Variants in SKAP2 observed in about 807,000 individuals in gnomAD.
The protein encoded by SKAP2 is src kinase associated phosphoprotein 2, also known as src kinase-associated phosphoprotein 2.
A neutral mutation model predicts 54.9 loss-of-function variants in SKAP2; 28 were observed. That is an observed-to-expected ratio of 0.51 (90% CI 0.38 to 0.70). SKAP2 has a LOEUF of 0.70. SKAP2 is among the 30% of genes least tolerant of loss of function. SKAP2 has a pLI of 0.00. For missense variants in SKAP2, 356 were observed against 424.1 expected, an observed-to-expected ratio of 0.84 and a Z score of 1.41; for synonymous variants, 137 against 134.3, an observed-to-expected ratio of 1.02 and a Z score of -0.14.
chr7:26,674,033 C>T (rs776847878), intron 11 of SKAP2, among the ~76,000 whole-genome samples: 3 of 151,906 alleles, frequency 2.0e-5, no homozygotes, highest in Non-Finnish European at 2.9e-5. Flanking sequence ...CCGCTTTCTG[C>T]GAATGATATG....
the SKAP2 span, among the ~76,000 whole-genome samples, chr7:26,659,033 C>T: frequency 2.0e-5 from 3 of 152,048 alleles, no homozygotes; most frequent in Non-Finnish European, 2.9e-5. Context: ...ATAAGAAATA[C>T]GTGTGTTGGT....
chr7:26,800,117 C>CT (rs1212449415), intron 4 of SKAP2, among the ~76,000 whole-genome samples: 2 of 152,014 alleles, frequency 1.3e-5, no homozygotes, highest in Non-Finnish European at 2.9e-5. Context: ...GAGCGAAACT[C>CT]TGTCTCAAAA....
chr7:26,708,007 A>C (rs913106731), intron 9 of SKAP2, among the ~76,000 whole-genome samples: 1 of 152,214 alleles, frequency 6.6e-6, no homozygotes, highest in Non-Finnish European at 1.5e-5. Flanking sequence ...TCATAGAGGT[A>C]AGGAGAAAAC....
intron 4 of SKAP2, among the ~76,000 whole-genome samples, chr7:26,778,850 TTGATA>T (rs1330911476): frequency 1.3e-5 from 2 of 151,840 alleles, no homozygotes; most frequent in African/African-American, 4.8e-5. Context: ...TCTCCAATAT[TTGATA>T]TAACTTTTGA....
chr7:26,839,574 C>T (rs1002888068), intron 4 of SKAP2, among the ~76,000 whole-genome samples: 7 of 151,910 alleles, frequency 4.6e-5, no homozygotes, highest in Admixed American at 4.6e-4. Flanking sequence ...GTTAAAAACA[C>T]CCTAAATGCT....
chr7:26,713,496 G>A (rs1787354424), intron 9 of SKAP2, among the ~76,000 whole-genome samples: 1 of 152,024 alleles, frequency 6.6e-6, no homozygotes, highest in Non-Finnish European at 1.5e-5. Flanking sequence ...AAAAGCTTCA[G>A]TATTAGGAAA....
chr7:26,754,088 G>A (rs2127967707), intron 4 of SKAP2, among the ~76,000 whole-genome samples: 1 of 152,206 alleles, frequency 6.6e-6, no homozygotes, highest in East Asian at 1.9e-4. Context: ...AGTAAGCCGG[G>A]CACGGTGGCT....
At chr7:26,844,174 A>C (rs113320196) in intron 3 of SKAP2, 37 bp from the exon 4 acceptor site, 1 of 1,236,468 alleles carries the variant, frequency 8.1e-7, no homozygotes, top group Non-Finnish European at 1.2e-6. Context: ...ACTGCCTTTT[A>C]TACTTTAGCC....
At chr7:26,706,247 T>G (rs1363921895) in intron 9 of SKAP2, among the ~76,000 whole-genome samples, 2 of 152,138 alleles carry the variant, frequency 1.3e-5, no homozygotes, top group East Asian at 3.8e-4. Flanking sequence ...ATTGCCAATA[T>G]TTTCCTAATT....
At chr7:26,838,904 T>A (rs1784765535) in intron 4 of SKAP2, among the ~76,000 whole-genome samples, 1 of 152,182 alleles carries the variant, frequency 6.6e-6, no homozygotes, top group South Asian at 2.1e-4. Context: ...CTAGATTACA[T>A]TTTTCTTAAA....
At chr7:26,722,597 C>T (rs868081134) in intron 9 of SKAP2, among the ~76,000 whole-genome samples, 5 of 151,508 alleles carry the variant, frequency 3.3e-5, no homozygotes, top group East Asian at 1.9e-4. Context: ...TTAGTAGAGA[C>T]GGGGTTTCAC....
At chr7:26,826,836 T>C (rs1056605006) in intron 4 of SKAP2, among the ~76,000 whole-genome samples, 9 of 152,206 alleles carry the variant, frequency 5.9e-5, no homozygotes, top group Non-Finnish European at 1.0e-4. Context: ...AAGTAAAATC[T>C]ATTGAAATAA....
At chr7:26,753,935 C>T (rs1782735874) in intron 4 of SKAP2, among the ~76,000 whole-genome samples, 1 of 152,120 alleles carries the variant, frequency 6.6e-6, no homozygotes, top group Admixed American at 6.5e-5. Context: ...TATCTACTTT[C>T]ACAATTACTA....
intron 4 of SKAP2, among the ~76,000 whole-genome samples, chr7:26,813,382 T>C (rs1022335046): frequency 3.9e-5 from 6 of 152,182 alleles, no homozygotes; most frequent in African/African-American, 1.4e-4. Context: ...AAATGGCGTA[T>C]GTAGCTGAAA....
intron 4 of SKAP2, among the ~76,000 whole-genome samples, chr7:26,822,222 C>T (rs1352300921): frequency 1.3e-5 from 2 of 152,170 alleles, no homozygotes; most frequent in Non-Finnish European, 2.9e-5. Context: ...TTTACAGATA[C>T]TGCATTTTTT....
At chr7:26,695,816 TC>T (rs1786882565) in intron 9 of SKAP2, among the ~76,000 whole-genome samples, 1 of 152,108 alleles carries the variant, frequency 6.6e-6, no homozygotes, top group African/African-American at 2.4e-5. Context: ...TTTAACACAC[TC>T]CTCTGTTCCT....
chr7:26,745,261 T>C (rs10486474), intron 4 of SKAP2, among the ~76,000 whole-genome samples: 12,924 of 152,294 alleles, frequency 0.085, 612 homozygotes, highest in Middle Eastern at 0.16. Context: ...CCTAAGAATT[T>C]TCACTCTGAG....
intron 4 of SKAP2, among the ~76,000 whole-genome samples, chr7:26,792,907 C>T (rs1181672826): frequency 6.6e-6 from 1 of 152,042 alleles, no homozygotes; most frequent in African/African-American, 2.4e-5. Flanking sequence ...GGTGAAAGGC[C>T]TACATAAAAT....
chr7:26,706,722 T>G (rs545974543), intron 9 of SKAP2, among the ~76,000 whole-genome samples: 3 of 152,282 alleles, frequency 2.0e-5, no homozygotes, highest in Admixed American at 2.0e-4. Flanking sequence ...GGGGAGAAAA[T>G]GATTGATCAG....
Sources: allele counts gnomAD v4.1 joint callset (sites outside exome capture counted in the v4.1 genomes callset), GRCh38; gene constraint gnomAD v4.1.1; transcripts MANE v1.5; gene names NCBI Gene and HGNC (gene_info 2026-07-23, HGNC 2026-07-21).